Variants in ZNF714 observed in about 807,000 individuals in gnomAD.
The protein encoded by ZNF714 is zinc finger protein 714.
ZNF714 carries 32 observed loss-of-function variants against 46.2 expected under a neutral mutation model. The ratio of observed to expected loss-of-function variants is 0.69; its 90% CI spans 0.52 to 0.93. The LOEUF (loss-of-function observed/expected upper bound fraction) is 0.93. ZNF714 is among the 40% of genes least tolerant of loss of function. The pLI is 0.00. For missense variants in ZNF714, 635 were observed against 646.3 expected, an observed-to-expected ratio of 0.98 and a Z score of 0.19; for synonymous variants, 199 against 213.1, an observed-to-expected ratio of 0.93 and a Z score of 0.58.
At chr19:21,108,607 T>C (rs888310449) in intron 4 of ZNF714, among the ~76,000 whole-genome samples, 1 of 152,222 alleles carries the variant, frequency 6.6e-6, no homozygotes, top group Non-Finnish European at 1.5e-5. Flanking sequence ...AGTTACTCTT[T>C]GTCTTCCACC....
chr19:21,094,797 G>A (rs751209461), intron 2 of ZNF714, among the ~76,000 whole-genome samples: 5 of 152,126 alleles, frequency 3.3e-5, no homozygotes, highest in African/African-American at 7.2e-5. Context: ...AAAGTGCTGG[G>A]GTTACCGCAC....
intron 4 of ZNF714, among the ~76,000 whole-genome samples, chr19:21,107,177 CTT>C (rs1969340141): frequency 6.6e-6 from 1 of 151,574 alleles, no homozygotes. Flanking sequence ...CCTCTTTGTT[CTT>C]TTTCCTGGGC....
chr19:21,099,160 C>T (rs1216293442), intron 4 of ZNF714, among the ~76,000 whole-genome samples: 1 of 151,930 alleles, frequency 6.6e-6, no homozygotes, highest in Non-Finnish European at 1.5e-5. Flanking sequence ...TTTTGAAAAA[C>T]ACTGTTTTTT....
Position 21,121,610 on chromosome 19 carries a change from G to A in ZNF714, c.*3278G>A, listed in dbSNP as rs2144887507. 6.6e-6 allele frequency: 1 copy of A among 152,228 alleles called. No homozygotes were observed. The highest frequency in any genetic ancestry group is 1.9e-4 in the East Asian group (1 of 5,176). 9.4% of individuals were successfully genotyped at this position (152,228 alleles called of 1,614,324 possible). On this transcript the variant is annotated 3_prime_UTR_variant, in exon 5 of 5. Coordinates refer to ENST00000456283, the MANE Select transcript of ZNF714 (RefSeq NM_182515.4). ...GGTGTAAGAAAATTATGGAATAAGT[G>A]TGTGTGTGTGAGTATGAGTTTGTAC...
chr19:21,116,976 A>T lies in ZNF714; in HGVS notation c.312A>T (p.Glu104Asp), dbSNP rs760641443. The T allele has an allele frequency of 6.2e-7, 1 of 1,613,920 alleles. No homozygotes were observed. The change falls in exon 5 of 5, where the codon GAA becomes GAT. Residue 104 changes from glutamate to aspartate, a missense_variant. Transcript: ENST00000456283. ...ECKVYKKGYN[E>D]LNQCLTTTQS... is the part of the protein sequence containing the mutation. ...AGGTGTACAAAAAAGGTTATAATGA[A>T]CTAAACCAGTGTTTGACAACTACCC... is the stretch of plus-strand genomic sequence containing the variant.
chr19:21,107,051 C>G (rs756050200), intron 4 of ZNF714, among the ~76,000 whole-genome samples: 7 of 151,966 alleles, frequency 4.6e-5, no homozygotes, highest in Non-Finnish European at 7.4e-5. Flanking sequence ...GGTCTCGATC[C>G]CCTGACCTCG....
In ZNF714 at chr19:21,118,468, A is replaced by G; in HGVS notation, c.*136A>G. 2.5e-6 allele frequency: 1 copy of G among 402,094 alleles called. No homozygotes were observed. The highest frequency in any genetic ancestry group is 4.4e-6 in the Non-Finnish European group (1 of 225,362). 24.9% of individuals were successfully genotyped at this position (402,094 alleles called of 1,614,324 possible). On this transcript the variant is annotated 3_prime_UTR_variant, in exon 5 of 5. Coordinates refer to ENST00000456283, the MANE Select transcript of ZNF714 (RefSeq NM_182515.4). ...CTCTGTCTCAAAAAAAAAAAAAAAA[A>G]GAAAAGAAAATTCATACTGGAACGA...
rs1428595668 is a variant in ZNF714 at position 21,116,784 on chromosome 19, TTTG to T, written c.143-17_143-15del. 2 of 1,559,878 alleles carry T rather than the reference TTTG, an allele frequency of 1.3e-6. No individual in the cohort carries two copies. The highest frequency in any genetic ancestry group is 1.7e-6 in the Non-Finnish European group (2 of 1,159,570). ...TATCAGAGTCTAGTAAGTTGAATAA[TTTG>T]TTGTTTGTATTTCTTTCAGCTATGT... On this transcript the variant is annotated intron_variant, in intron 4 of 4. Transcript: ENST00000456283.
intron 4 of ZNF714, among the ~76,000 whole-genome samples, chr19:21,115,365 A>G (rs1969569047): frequency 6.6e-6 from 1 of 151,970 alleles, no homozygotes; most frequent in Non-Finnish European, 1.5e-5. Context: ...ATGTATTTAT[A>G]TGATAAAATT....
chr19:21,102,100 A>G (rs1288932524), intron 4 of ZNF714, among the ~76,000 whole-genome samples: 2 of 148,978 alleles, frequency 1.3e-5, no homozygotes, highest in African/African-American at 4.9e-5. Context: ...TGGCTGTCTC[A>G]TAAAGGCATT....
chr19:21,094,926 C>CAA, intron 2 of ZNF714, among the ~76,000 whole-genome samples: 1 of 152,266 alleles, frequency 6.6e-6, no homozygotes, highest in South Asian at 2.1e-4. Context: ...ATTTTTTGCA[C>CAA]ATGCTTGTTA....
chr19:21,103,051 T>TA (rs1397844390), intron 4 of ZNF714, among the ~76,000 whole-genome samples: 1 of 152,100 alleles, frequency 6.6e-6, no homozygotes, highest in Non-Finnish European at 1.5e-5. Flanking sequence ...TATACTTTCT[T>TA]AGCTGATTTT....
In ZNF714 at chr19:21,117,482, C is replaced by T. The variant is rs1385971430; in HGVS notation, c.818C>T (p.Thr273Ile). 2 of 1,610,400 alleles carry T rather than the reference C, an allele frequency of 1.2e-6. No homozygotes were observed. Among genetic ancestry groups the T allele is most frequent in the South Asian group, 2.2e-5 (2 of 90,834 alleles). ...GCTTTTAACCACCCTTCAGCCCTTA[C>T]TACACATAAGTTCATTCATGTTAAA... is the stretch of plus-strand genomic sequence containing the variant. ...GKAFNHPSALTTHKFIHVKEK... is the reference protein window; with the variant it reads ...GKAFNHPSALITHKFIHVKEK... The change falls in exon 5 of 5, where the codon ACT becomes ATT. Residue 273 changes from threonine (T) to isoleucine (I), a missense_variant. Physicochemically the swap from Thr to Ile is moderately conservative, Grantham distance 89 (BLOSUM62 -1). Transcript: ENST00000456283.
intron 2 of ZNF714, among the ~76,000 whole-genome samples, chr19:21,085,881 T>TAAAA (rs34378470): frequency 6.9e-6 from 1 of 145,410 alleles, no homozygotes; most frequent in Non-Finnish European, 1.5e-5. Flanking sequence ...TAGGTTTATG[T>TAAAA]AAAAAAAAAA....
In ZNF714 at chr19:21,098,920, A is replaced by G; in HGVS notation, c.142+10A>G. 3.3e-6 allele frequency: 5 copies of G among 1,510,542 alleles called. No homozygotes were observed. Among genetic ancestry groups the G allele is most frequent in the Non-Finnish European group, 4.6e-6 (5 of 1,093,096 alleles). 93.6% of individuals were successfully genotyped at this position (1,510,542 alleles called of 1,614,324 possible). On this transcript the variant is annotated intron_variant, in intron 4 of 4. Transcript: ENST00000456283. ...GTGGATGAATCCCCAGGTAGGTGAGAGTGAACACAACAGATGACACAGATG... is the reference window on the plus strand; with the variant it reads ...GTGGATGAATCCCCAGGTAGGTGAGGGTGAACACAACAGATGACACAGATG...
intron 4 of ZNF714, among the ~76,000 whole-genome samples, chr19:21,110,055 T>A (rs1969415315): frequency 6.6e-6 from 1 of 152,224 alleles, no homozygotes; most frequent in Admixed American, 6.5e-5. Flanking sequence ...GCAGTGAAGA[T>A]ACACATCCAT....
rs554192498 is a variant in ZNF714, at chr19:21,082,330, C to T, written c.-195C>T. 189 of 1,455,410 alleles carry T rather than the reference C, an allele frequency of 1.3e-4. No individual in the cohort carries two copies. Among genetic ancestry groups the T allele is most frequent in the Middle Eastern group, 1.2e-3 (6 of 5,212 alleles). The allele number at this position is 1,455,410 out of a possible 1,614,324, so 90.2% of individuals were successfully genotyped here. A position where few individuals can be genotyped will look rare whatever the true frequency, so the allele number is the denominator to read the frequency against. On this transcript the variant is annotated 5_prime_UTR_variant, in exon 1 of 5. Coordinates refer to ENST00000456283, the MANE Select transcript of ZNF714 (RefSeq NM_182515.4). Reference sequence around the variant, plus strand: ...AGATCCACAGCTAAGACGCCAGGTACCCCGGAAGCCTAGAAATGGTGAGAG... The same window carrying T: ...AGATCCACAGCTAAGACGCCAGGTATCCCGGAAGCCTAGAAATGGTGAGAG...
chr19:21,112,608 C>T (rs756045554), intron 4 of ZNF714, among the ~76,000 whole-genome samples: 1 of 148,182 alleles, frequency 6.7e-6, no homozygotes, highest in African/African-American at 2.5e-5. Context: ...TATTTCTTGT[C>T]TTCTGCTAGC....
At chr19:21,092,037 A>G (rs1017250618) in intron 2 of ZNF714, among the ~76,000 whole-genome samples, 13 of 152,130 alleles carry the variant, frequency 8.5e-5, no homozygotes, top group Non-Finnish European at 1.5e-4. Flanking sequence ...TGCCAGAAGA[A>G]AGATATCACA....
Sources: gnomAD v4.1 joint callset for allele counts (sites outside exome capture counted in the v4.1 genomes callset) on GRCh38, gnomAD v4.1.1 for gene constraint, MANE v1.5 for transcripts, NCBI Gene and HGNC (gene_info 2026-07-23, HGNC 2026-07-21) for gene names.